Variants in HEY2 observed in about 807,000 individuals in gnomAD.
HEY2 encodes the protein hairy/enhancer-of-split related with YRPW motif protein 2.
Under a neutral mutation model 18.1 loss-of-function variants are expected in HEY2, and 10 were observed. That is an observed-to-expected ratio of 0.55 (90% CI 0.34 to 0.94). HEY2 has a LOEUF of 0.94. Ranked by LOEUF, HEY2 falls within the 40% of genes least tolerant of loss-of-function variation. The pLI is 0.02. For missense variants in HEY2, 455 were observed against 455.9 expected (o/e 1.00, Z 0.02); for synonymous variants, 210 against 182.7 (o/e 1.15, Z -1.21).
At position 125,754,527 on chromosome 6, in the gene HEY2, TC is replaced by T; in HGVS notation, c.310del (p.Gln104ArgfsTer19). ...QMTVDHLKML[Q>X]ATGGKGYFDA... ...TGACAGTGGATCATTTGAAGATGCTTCAGGCAACAGGGGGTAAAGGTAAGTA... is the reference window on the plus strand; with the variant it reads ...TGACAGTGGATCATTTGAAGATGCTTAGGCAACAGGGGGTAAAGGTAAGTA... On this transcript the variant is annotated frameshift_variant, in exon 4 of 5. Coordinates refer to ENST00000368364, the MANE Select transcript of HEY2 (RefSeq NM_012259.3). LOFTEE classifies it low-confidence loss of function (END_TRUNC). 6.2e-7 allele frequency: 1 copy of T among 1,601,976 alleles called. No individual in the cohort carries two copies. The highest frequency in any genetic ancestry group is 8.5e-7 in the Non-Finnish European group (1 of 1,173,404).
In HEY2 at chr6:125,749,767, C is replaced by A; in HGVS notation, c.-10C>A. 6.4e-7 allele frequency: 1 copy of A among 1,563,934 alleles called. No individual in the cohort carries two copies. Among genetic ancestry groups the A allele is most frequent in the East Asian group, 2.4e-5 (1 of 41,532 alleles). On this transcript the variant is annotated 5_prime_UTR_variant, in exon 1 of 5. Transcript: ENST00000368364. ...CCGGCCGGGCTGTGCCCCGCGCGGT[C>A]TTCGCCGGGATGAAGCGCCCCTGCG...
In HEY2 at chr6:125,752,604, A is replaced by G. The variant is rs529677206; in HGVS notation, c.246+514A>G. Among the ~76,000 whole-genome samples, 4 of 152,342 alleles carry G rather than the reference A, an allele frequency of 2.6e-5. No homozygotes were observed. The East Asian group carries it at 7.7e-4, about 29-fold the overall frequency. Reference sequence around the variant, plus strand: ...CATTTTTAATCCCTGGGTTGGTAGAATGCCATTTGATTTGGGTCATCTTTT... The same window carrying G: ...CATTTTTAATCCCTGGGTTGGTAGAGTGCCATTTGATTTGGGTCATCTTTT... On this transcript the variant is annotated intron_variant, in intron 3 of 4. Coordinates refer to ENST00000368364, the MANE Select transcript of HEY2 (RefSeq NM_012259.3).
intron 4 of HEY2, 87 bp from the exon 5 acceptor site, chr6:125,759,030 G>A (rs1773723563): frequency 2.2e-6 from 2 of 902,610 alleles, no homozygotes; most frequent in Non-Finnish European, 1.7e-6. Context: ...ACATCAGTGG[G>A]TGGTTATTGT....
At position 125,749,783 on chromosome 6, in the gene HEY2, C is replaced by G. The variant is rs1773498018; in HGVS notation, c.7C>G (p.Arg3Gly). 6.4e-7 allele frequency: 1 copy of G among 1,573,830 alleles called. No individual in the cohort carries two copies. Among genetic ancestry groups the G allele is most frequent in the Non-Finnish European group, 8.6e-7 (1 of 1,160,814 alleles). MKRPCEETTSESD... is the reference protein window; with the variant it reads MKGPCEETTSESD... ...CCGCGCGGTCTTCGCCGGGATGAAG[C>G]GCCCCTGCGAGGAGACGACCTCCGA... Residue 3 changes from arginine to glycine, a missense_variant, in exon 1 of 5, where the codon CGC (arginine) becomes GGC (glycine). Coordinates refer to ENST00000368364, the MANE Select transcript of HEY2 (RefSeq NM_012259.3).
At chr6:125,754,786 G>A (rs531330887) in intron 4 of HEY2, among the ~76,000 whole-genome samples, 1 of 152,196 alleles carries the variant, frequency 6.6e-6, no homozygotes, top group South Asian at 2.1e-4. Context: ...ATAATACTGT[G>A]GGAGTAAAGC....
intron 4 of HEY2, among the ~76,000 whole-genome samples, chr6:125,757,714 C>T (rs1231779206): frequency 2.0e-5 from 3 of 152,110 alleles, no homozygotes; most frequent in Non-Finnish European, 4.4e-5. Context: ...TTTGGGAAGC[C>T]GAGGCAGGAG....
At position 125,759,877 on chromosome 6, in the gene HEY2, A is replaced by G. The variant is rs560345959; in HGVS notation, c.*75A>G. The G allele has an allele frequency of 8.0e-7, 1 of 1,244,766 alleles. No homozygotes were observed. Among genetic ancestry groups the G allele is most frequent in the African/African-American group, 1.5e-5 (1 of 66,976 alleles). The allele number at this position is 1,244,766 out of a possible 1,614,324, so 77.1% of individuals were successfully genotyped here. A position where few individuals can be genotyped will look rare whatever the true frequency, so the allele number is the denominator to read the frequency against. ...GTCAGCTTAAAACCTCTGCACCCTG[A>G]AGGTAGCCATACAGATGCCGACAGA... On this transcript the variant is annotated 3_prime_UTR_variant, in exon 5 of 5. Coordinates refer to ENST00000368364, the MANE Select transcript of HEY2 (RefSeq NM_012259.3).
At chr6:125,756,742 C>G (rs775884892) in intron 4 of HEY2, among the ~76,000 whole-genome samples, 4 of 152,142 alleles carry the variant, frequency 2.6e-5, no homozygotes, top group African/African-American at 7.2e-5. Flanking sequence ...CAAATTACCC[C>G]CTGCGAGCTG....
Position 125,759,758 on chromosome 6 carries a change from A to G in HEY2, c.970A>G (p.Asn324Asp). The G allele has an allele frequency of 6.2e-7, 1 of 1,613,952 alleles. No homozygotes were observed. The highest frequency in any genetic ancestry group is 8.5e-7 in the Non-Finnish European group (1 of 1,180,026). ...TCAGCAGACCAGCAGTGGAACAAAC[A>G]ATAAACCTTACCGACCCTGGGGGAC... ...SPQQTSSGTN[N>D]KPYRPWGTEV... The change falls in exon 5 of 5, where the codon AAT becomes GAT. Residue 324 changes from asparagine (N) to aspartate (D), a missense_variant. Asn to Asp is a conservative substitution (Grantham distance 23). Transcript: ENST00000368364.
chr6:125,759,552 C>G lies in HEY2; in HGVS notation c.764C>G (p.Thr255Ser), dbSNP rs181882875. Residue 255 changes from threonine to serine, a missense_variant, in exon 5 of 5, where the codon ACC (threonine) becomes AGC (serine). Physicochemically the swap from Thr to Ser is moderately conservative, Grantham distance 58. Coordinates refer to ENST00000368364, the MANE Select transcript of HEY2 (RefSeq NM_012259.3). ...GCCCCCTGCGTGCCACCTCTCTCCACCTCTCTCTTGTCCCTCTCTGCCACC... is the reference window on the plus strand; with the variant it reads ...GCCCCCTGCGTGCCACCTCTCTCCAGCTCTCTCTTGTCCCTCTCTGCCACC... ...SVAPCVPPLS[T>S]SLLSLSATVH... is the part of the protein sequence containing the mutation. The G allele has an allele frequency of 6.2e-7, 1 of 1,611,026 alleles. No individual in the cohort carries two copies. The highest frequency in any genetic ancestry group is 2.2e-5 in the East Asian group (1 of 44,872).
chr6:125,756,126 C>T (rs1000261176), intron 4 of HEY2, among the ~76,000 whole-genome samples: 2 of 152,176 alleles, frequency 1.3e-5, no homozygotes, highest in African/African-American at 4.8e-5. Flanking sequence ...AACTAAGTTC[C>T]ATCTTGGTTG....
At chr6:125,754,158 T>A (rs539409474) in intron 3 of HEY2, among the ~76,000 whole-genome samples, 1 of 152,332 alleles carries the variant, frequency 6.6e-6, no homozygotes, top group African/African-American at 2.4e-5. Flanking sequence ...AGTTTGAGAT[T>A]TTTACAACTG....
intron 1 of HEY2, chr6:125,750,528 T>C (rs1039865402): frequency 2.6e-6 from 1 of 378,170 alleles, no homozygotes; most frequent in Non-Finnish European, 3.6e-6. Flanking sequence ...GCGGGTCAAA[T>C]GATAATTGCT....
chr6:125,759,206 G>C lies in HEY2; in HGVS notation c.418G>C (p.Val140Leu), dbSNP rs3734638. Reference sequence around the variant, plus strand: ...AGAAGTTGCGCGGTACCTGAGCTCCGTGGAAGGCCTGGACTCCTCGGATCC... The same window carrying C: ...AGAAGTTGCGCGGTACCTGAGCTCCCTGGAAGGCCTGGACTCCTCGGATCC... ...LTEVARYLSS[V>L]EGLDSSDPLR... Residue 140 changes from valine to leucine, a missense_variant, in exon 5 of 5, where the codon GTG becomes CTG. Transcript: ENST00000368364. 1.4e-5 allele frequency: 22 copies of C among 1,613,148 alleles called. No homozygotes were observed. Among genetic ancestry groups the C allele is most frequent in the Non-Finnish European group, 1.8e-5 (21 of 1,180,044 alleles).
chr6:125,750,823 A>G (rs1773530266), intron 1 of HEY2, among the ~76,000 whole-genome samples: 2 of 152,328 alleles, frequency 1.3e-5, no homozygotes, highest in East Asian at 1.9e-4. Context: ...AATGAGGGGG[A>G]CAGGTAATTC....
chr6:125,759,513 C>G lies in HEY2; in HGVS notation c.725C>G (p.Ser242Cys), dbSNP rs781313488. 1 of 1,611,274 alleles carries G rather than the reference C, an allele frequency of 6.2e-7. No homozygotes were observed. Residue 242 changes from serine to cysteine, a missense_variant, in exon 5 of 5, where the codon TCC becomes TGC. Physicochemically the swap from Ser to Cys is moderately radical, Grantham distance 112. Coordinates refer to ENST00000368364, the MANE Select transcript of HEY2 (RefSeq NM_012259.3). The part of the protein sequence containing the change: ...AHADSALRMP[S>C]TGSVAPCVPP... ...GCGGATTCAGCCCTCCGAATGCCAT[C>G]CACGGGCAGCGTCGCCCCCTGCGTG...
At chr6:125,758,866 A>C (rs1182150116) in intron 4 of HEY2, among the ~76,000 whole-genome samples, 1 of 152,230 alleles carries the variant, frequency 6.6e-6, no homozygotes, top group Non-Finnish European at 1.5e-5. Context: ...AGCTGCAAGA[A>C]CAACTGTAGC....
intron 4 of HEY2, 50 bp downstream of exon 4, chr6:125,754,596 CTT>C: frequency 1.0e-6 from 1 of 970,200 alleles, no homozygotes; most frequent in Non-Finnish European, 1.5e-6. Flanking sequence ...TTACCTTTCT[CTT>C]TTCATGTTAT....
chr6:125,759,449 G>T lies in HEY2; in HGVS notation c.661G>T (p.Ala221Ser), dbSNP rs1221769341. 6.2e-7 allele frequency: 1 copy of T among 1,611,660 alleles called. No individual in the cohort carries two copies. The highest frequency in any genetic ancestry group is 1.7e-5 in the Admixed American group (1 of 60,022). The change falls in exon 5 of 5, where the codon GCC (alanine) becomes TCC (serine). Residue 221 changes from alanine to serine, a missense_variant. Transcript: ENST00000368364. ...RLSTTSEVPPAHGSALLTATF... is the reference protein window; with the variant it reads ...RLSTTSEVPPSHGSALLTATF... ...CTCCACAACTTCAGAAGTGCCTCCT[G>T]CCCACGGCTCTGCTCTCCTCACGGC... is the stretch of plus-strand genomic sequence containing the variant.
Sources: gnomAD v4.1 joint callset for allele counts (sites outside exome capture counted in the v4.1 genomes callset) on GRCh38, gnomAD v4.1.1 for gene constraint, MANE v1.5 for transcripts, NCBI Gene and HGNC (gene_info 2026-07-23, HGNC 2026-07-21) for gene names.